The following TEX26 variants were observed in gnomAD, a reference collection of about 807,000 sequenced individuals.
TEX26 encodes the protein testis-expressed protein 26.
In TEX26, 34 loss-of-function variants were observed where a neutral mutation model predicts 35.3. The ratio of observed to expected loss-of-function variants is 0.96; its 90% CI spans 0.73 to 1.28. The LOEUF is 1.28. Among genes scored for constraint, TEX26 ranks in the 50% most tolerant of loss-of-function variants. The pLI, the probability that TEX26 is intolerant of heterozygous loss-of-function variation, is 0.00. For missense variants in TEX26, 371 were observed against 330.1 expected (o/e 1.12, Z -0.96); for synonymous variants, 136 against 111.8 (o/e 1.22, Z -1.36).
chr13:30,945,332 T>A (rs1188760768), intron 2 of TEX26, among the ~76,000 whole-genome samples: 1 of 151,918 alleles, frequency 6.6e-6, no homozygotes, highest in African/African-American at 2.4e-5. Flanking sequence ...TGGGTTTATA[T>A]GAATCCTTAT....
At chr13:30,973,580 A>G (rs186867421) in intron 6 of TEX26, 194 of 152,378 alleles carry the variant, frequency 1.3e-3, no homozygotes, top group African/African-American at 4.6e-3. Flanking sequence ...ATGCTTCAAA[A>G]TTAAACATGA....
At chr13:30,961,327 T>C (rs1298822859) in intron 4 of TEX26, among the ~76,000 whole-genome samples, 1 of 152,212 alleles carries the variant, frequency 6.6e-6, no homozygotes, top group African/African-American at 2.4e-5. Context: ...GGGAAGCCAC[T>C]TGGTATTCAA....
intron 4 of TEX26, among the ~76,000 whole-genome samples, chr13:30,961,734 A>G (rs1028254411): frequency 6.6e-6 from 1 of 152,096 alleles, no homozygotes; most frequent in Non-Finnish European, 1.5e-5. Context: ...ATGACCTTCA[A>G]TGGAGATTTT....
chr13:30,975,078 T>G lies in TEX26; in HGVS notation c.*171T>G. 2.1e-6 allele frequency: 1 copy of G among 484,394 alleles called. No homozygotes were observed. Among genetic ancestry groups the G allele is most frequent in the Admixed American group, 4.4e-5 (1 of 22,646 alleles). The allele number at this position is 484,394 out of a possible 1,614,324, so 30.0% of individuals were successfully genotyped here. ...CCGCTTTATTTTTAAACAATAAAATTAAGGCTACAAAATTTTCCCTGAACA... is the reference window on the plus strand; with the variant it reads ...CCGCTTTATTTTTAAACAATAAAATGAAGGCTACAAAATTTTCCCTGAACA... On this transcript the variant is annotated 3_prime_UTR_variant, in exon 7 of 7. Coordinates refer to ENST00000380473, the MANE Select transcript of TEX26 (RefSeq NM_152325.3).
At chr13:30,974,714 A>G in intron 6 of TEX26, 132 bp from the exon 7 acceptor site, 2 of 778,640 alleles carry the variant, frequency 2.6e-6, no homozygotes. Context: ...ATAGCCTGCT[A>G]TTATTTTGGT....
chr13:30,942,990 A>G (rs1593544172), intron 2 of TEX26, among the ~76,000 whole-genome samples: 3 of 152,202 alleles, frequency 2.0e-5, no homozygotes, highest in Middle Eastern at 6.8e-3. Context: ...TTGGTTCTGT[A>G]TGAATTTTAG....
At chr13:30,936,270 A>G (rs1953268958) in intron 1 of TEX26, among the ~76,000 whole-genome samples, 2 of 152,214 alleles carry the variant, frequency 1.3e-5, no homozygotes, top group Admixed American at 1.3e-4. Flanking sequence ...TATTTTCCTA[A>G]TGGTGAACAC....
At chr13:30,955,199 C>A (rs1198906866) in intron 3 of TEX26, among the ~76,000 whole-genome samples, 2 of 152,172 alleles carry the variant, frequency 1.3e-5, no homozygotes, top group African/African-American at 4.8e-5. Context: ...GCAAAAATAT[C>A]TCATAATGTT....
At chr13:30,974,775 T>C in intron 6 of TEX26, 71 bp from the exon 7 acceptor site, 1 of 1,418,762 alleles carries the variant, frequency 7.0e-7, no homozygotes, top group Non-Finnish European at 9.4e-7. Flanking sequence ...TCTTCCTTCA[T>C]AGAATTTCCC....
chr13:30,946,390 G>A (rs191993859), intron 2 of TEX26, among the ~76,000 whole-genome samples: 50 of 151,588 alleles, frequency 3.3e-4, no homozygotes, highest in Admixed American at 1.8e-3. Flanking sequence ...ACCTTCTTCC[G>A]GTATCTCTCT....
At chr13:30,934,276 T>C (rs1467617595) in intron 1 of TEX26, among the ~76,000 whole-genome samples, 1 of 152,218 alleles carries the variant, frequency 6.6e-6, no homozygotes, top group Non-Finnish European at 1.5e-5. Context: ...GGCTACTCTG[T>C]GCCACTTCAT....
In TEX26 at chr13:30,975,473, C is replaced by T. The variant is rs1179306561; in HGVS notation, c.*566C>T. 2.0e-5 allele frequency: 3 copies of T among 152,066 alleles called. No homozygotes were observed. The highest frequency in any genetic ancestry group is 4.4e-5 in the Non-Finnish European group (3 of 68,000). The allele number at this position is 152,066 out of a possible 1,614,324, so 9.4% of individuals were successfully genotyped here. The stretch of plus-strand genomic sequence containing the variant: ...GTTCAATTCTGAAAGAATATTGGAA[C>T]CTCCCACAATAAATATATTTTTATC... On this transcript the variant is annotated 3_prime_UTR_variant, in exon 7 of 7. Coordinates refer to ENST00000380473, the MANE Select transcript of TEX26 (RefSeq NM_152325.3).
chr13:30,948,387 C>G lies in TEX26; in HGVS notation c.147-4273C>G, dbSNP rs560221118. 2.0e-5 allele frequency among the ~76,000 whole-genome samples: 3 copies of G among 152,292 alleles called. No homozygotes were observed. In the South Asian group the frequency reaches 6.2e-4, roughly 32 times the overall value. ...TAAAATTGTTCCTATTTGTCCACAT[C>G]CTCTCCAGCACCTGTTGTTTCCTGA... On this transcript the variant is annotated intron_variant, in intron 2 of 6. Transcript: ENST00000380473.
At chr13:30,936,958 G>C in intron 1 of TEX26, 1 of 985,396 alleles carries the variant, frequency 1.0e-6, no homozygotes, top group Non-Finnish European at 1.2e-6. Flanking sequence ...ACTTTCAGAA[G>C]CTTTGTCAAT....
chr13:30,960,223 A>G (rs966355648), intron 4 of TEX26, among the ~76,000 whole-genome samples: 4 of 151,966 alleles, frequency 2.6e-5, no homozygotes, highest in Admixed American at 2.6e-4. Flanking sequence ...GTTTATTTGA[A>G]AACTTCTATA....
At chr13:30,936,014 G>A (rs1280739727) in intron 1 of TEX26, among the ~76,000 whole-genome samples, 5 of 152,084 alleles carry the variant, frequency 3.3e-5, no homozygotes, top group Admixed American at 6.5e-5. Flanking sequence ...TCCTAATCTC[G>A]AAATCTTTAA....
In TEX26 at chr13:30,946,261, G is replaced by A. The variant is rs113144156; in HGVS notation, c.147-6399G>A. 6.3e-3 allele frequency among the ~76,000 whole-genome samples: 956 copies of A among 151,628 alleles called. 4 individuals carry two copies. The highest frequency in any genetic ancestry group is 0.014 in the Middle Eastern group (4 of 294). On this transcript the variant is annotated intron_variant, in intron 2 of 6. Coordinates refer to ENST00000380473, the MANE Select transcript of TEX26 (RefSeq NM_152325.3). ...CTGTTAAAACTTTCCACTGCATTTC[G>A]TCATTCCCTAAATGTGTCTTTCATT...
intron 5 of TEX26, among the ~76,000 whole-genome samples, chr13:30,968,671 C>T (rs1954619524): frequency 6.6e-6 from 1 of 152,172 alleles, no homozygotes; most frequent in East Asian, 1.9e-4. Flanking sequence ...CCACTTCCAG[C>T]AGCAACAGGC....
chr13:30,939,783 A>T lies in TEX26; in HGVS notation c.146+5A>T, dbSNP rs1388518626. The stretch of plus-strand genomic sequence containing the variant: ...AGCAGTGCCTGCCTTAATTCGGTAG[A>T]TCATTATTTGTGTTGGATTGATATA... On this transcript the variant is annotated splice_donor_5th_base_variant and intron_variant, in intron 2 of 6. Coordinates refer to ENST00000380473, the MANE Select transcript of TEX26 (RefSeq NM_152325.3). The T allele has an allele frequency of 3.1e-6, 5 of 1,612,044 alleles. No individual in the cohort carries two copies. The African/African-American group carries it at 5.3e-5, about 17-fold the overall frequency.
Sources: allele counts gnomAD v4.1 joint callset (sites outside exome capture counted in the v4.1 genomes callset), GRCh38; gene constraint gnomAD v4.1.1; transcripts MANE v1.5; gene names NCBI Gene and HGNC (gene_info 2026-07-23, HGNC 2026-07-21).